Variants in ATP2B2 observed in about 807,000 individuals in gnomAD.
ATP2B2 encodes plasma membrane calcium-transporting ATPase 2.
ATP2B2 carries 15 observed loss-of-function variants against 120.0 expected under a neutral mutation model. That is an observed-to-expected ratio of 0.12 (90% CI 0.08 to 0.19). The LOEUF (loss-of-function observed/expected upper bound fraction) is 0.19. Ranked by LOEUF, ATP2B2 falls within the 10% of genes least tolerant of loss-of-function variation. ATP2B2 has a pLI of 1.00. For synonymous variants in ATP2B2, 694 were observed against 700.3 expected (o/e 0.99, Z 0.14); for missense variants, 1,045 against 1,719.8 (o/e 0.61, Z 6.94).
intron 2 of ATP2B2, among the ~76,000 whole-genome samples, chr3:10,612,228 A>G (rs4684723): frequency 0.83 from 125,841 of 151,958 alleles, 52,179 homozygotes; most frequent in Middle Eastern, 0.95. Flanking sequence ...TGGGCTCTTC[A>G]CTCCCTATCT....
At chr3:10,565,877 CT>C (rs2067999273) in intron 2 of ATP2B2, among the ~76,000 whole-genome samples, 1 of 152,134 alleles carries the variant, frequency 6.6e-6, no homozygotes, top group Non-Finnish European at 1.5e-5. Flanking sequence ...GCGAATAAAA[CT>C]CTCTGTGCCT....
At chr3:10,688,916 C>T (rs951467733) in intron 1 of ATP2B2, among the ~76,000 whole-genome samples, 2 of 152,206 alleles carry the variant, frequency 1.3e-5, no homozygotes, top group Admixed American at 1.3e-4. Flanking sequence ...CAGGCTCTTT[C>T]CCTCCATGGT....
chr3:10,614,604 G>A (rs1376328496), intron 2 of ATP2B2, among the ~76,000 whole-genome samples: 3 of 152,216 alleles, frequency 2.0e-5, no homozygotes, highest in African/African-American at 7.2e-5. Context: ...CCGCATCGTA[G>A]TTGGGTGAGC....
At chr3:10,337,329 C>T (rs531726464) in intron 22 of ATP2B2, among the ~76,000 whole-genome samples, 6 of 152,254 alleles carry the variant, frequency 3.9e-5, no homozygotes, top group African/African-American at 7.2e-5. Context: ...CACTGCACTT[C>T]GCCCAAGCAT....
chr3:10,557,481 C>T lies in ATP2B2; in HGVS notation c.-414-23348G>A, dbSNP rs138068623. Among the ~76,000 whole-genome samples, 778 of 152,208 alleles carry T rather than the reference C, an allele frequency of 5.1e-3. 4 individuals carry two copies. Among genetic ancestry groups the T allele is most frequent in the Non-Finnish European group, 8.2e-3 (558 of 68,012 alleles). ...CAGGAGAGCCTTCTGGTAGGAAAGC[C>T]GATGCAGGAAAGGTGGACAGAGCTC... On this transcript the variant is annotated intron_variant, in intron 2 of 21. Coordinates refer to the ATP2B2 transcript ENST00000646379.
At chr3:10,473,666 G>C (rs1346151542) in intron 1 of ATP2B2, among the ~76,000 whole-genome samples, 1 of 152,240 alleles carries the variant, frequency 6.6e-6, no homozygotes, top group African/African-American at 2.4e-5. Context: ...AAGGCATTAT[G>C]ACTGAGACTG....
chr3:10,620,610 G>C (rs1320878663), intron 1 of ATP2B2, among the ~76,000 whole-genome samples: 1 of 152,172 alleles, frequency 6.6e-6, no homozygotes, highest in East Asian at 1.9e-4. Context: ...GGACGGGGTG[G>C]CTTCCAGAGA....
intron 1 of ATP2B2, among the ~76,000 whole-genome samples, chr3:10,496,221 C>T (rs1006060042): frequency 2.0e-5 from 3 of 152,198 alleles, no homozygotes; most frequent in African/African-American, 4.8e-5. Context: ...CACCCAGCAA[C>T]CTTTGCATCC....
intron 1 of ATP2B2, among the ~76,000 whole-genome samples, chr3:10,647,112 A>C (rs377485800): frequency 6.6e-6 from 1 of 152,206 alleles, no homozygotes; most frequent in Admixed American, 6.5e-5. Flanking sequence ...CCCCTTCTGC[A>C]GTACAACGAT....
chr3:10,473,632 C>A (rs892447642), intron 1 of ATP2B2, among the ~76,000 whole-genome samples: 1 of 152,024 alleles, frequency 6.6e-6, no homozygotes, highest in Non-Finnish European at 1.5e-5. Context: ...CTCTGTCACA[C>A]AAAAAAAGTG....
At chr3:10,637,297 G>T (rs2070047477) in intron 1 of ATP2B2, among the ~76,000 whole-genome samples, 2 of 152,100 alleles carry the variant, frequency 1.3e-5, no homozygotes, top group African/African-American at 2.4e-5. Flanking sequence ...GGTATGCAAA[G>T]AATCAGGAAA....
In ATP2B2 at chr3:10,431,748, TA is replaced by T. The variant is rs112026049; in HGVS notation, c.199+17596del. 4.4e-3 allele frequency among the ~76,000 whole-genome samples: 625 copies of T among 141,916 alleles called. 1 individual carries two copies. The highest frequency in any genetic ancestry group is 7.1e-3 in the Middle Eastern group (2 of 280). 93.1% of individuals were successfully genotyped at this position (141,916 alleles called of 152,430 possible). On this transcript the variant is annotated intron_variant, in intron 2 of 22. Coordinates refer to ENST00000360273, the MANE Select transcript of ATP2B2 (RefSeq NM_001001331.4). ...AGAAACATCTACTGAATGAATAACTTAAAAAAAAAAAAAGGATTTCCCAGTG... is the reference window on the plus strand; with the variant it reads ...AGAAACATCTACTGAATGAATAACTTAAAAAAAAAAAAGGATTTCCCAGTG...
chr3:10,665,214 C>G (rs1383512910), intron 1 of ATP2B2, among the ~76,000 whole-genome samples: 1 of 152,218 alleles, frequency 6.6e-6, no homozygotes, highest in Non-Finnish European at 1.5e-5. Flanking sequence ...TGCCTGGCAC[C>G]CACGCACCTC....
intron 5 of ATP2B2, among the ~76,000 whole-genome samples, chr3:10,391,149 A>T (rs892499317): frequency 1.3e-5 from 2 of 152,152 alleles, no homozygotes; most frequent in African/African-American, 4.8e-5. Context: ...TGCAGGGCAC[A>T]TGCTGCCCTC....
At chr3:10,453,378 G>A (rs987074091) in intron 1 of ATP2B2, among the ~76,000 whole-genome samples, 2 of 152,170 alleles carry the variant, frequency 1.3e-5, no homozygotes, top group Non-Finnish European at 1.5e-5. Context: ...CCATAAAAGC[G>A]CTTTATGAGA....
At chr3:10,632,251 A>G (rs1300224361) in intron 1 of ATP2B2, among the ~76,000 whole-genome samples, 1 of 152,126 alleles carries the variant, frequency 6.6e-6, no homozygotes, top group East Asian at 1.9e-4. Flanking sequence ...CACACTCCCT[A>G]TAAGATTAAC....
chr3:10,370,515 C>G (rs1402075438), intron 12 of ATP2B2, among the ~76,000 whole-genome samples: 1 of 152,248 alleles, frequency 6.6e-6, no homozygotes, highest in East Asian at 1.9e-4. Flanking sequence ...GGTCCTCTGA[C>G]CTACTTTCCC....
chr3:10,393,051 T>G (rs2061908985), intron 5 of ATP2B2, among the ~76,000 whole-genome samples: 1 of 152,118 alleles, frequency 6.6e-6, no homozygotes, highest in African/African-American at 2.4e-5. Context: ...GGGTGTCAAC[T>G]CCATGCCAGG....
chr3:10,485,439 G>A (rs540118853), intron 1 of ATP2B2, among the ~76,000 whole-genome samples: 6 of 152,278 alleles, frequency 3.9e-5, no homozygotes, highest in South Asian at 4.1e-4. Context: ...GGGGGATTGC[G>A]GGAGCTCAGG....
Sources: gnomAD v4.1 joint callset for allele counts (sites outside exome capture counted in the v4.1 genomes callset) on GRCh38, gnomAD v4.1.1 for gene constraint, MANE v1.5 for transcripts, NCBI Gene and HGNC (gene_info 2026-07-23, HGNC 2026-07-21) for gene names.